HPS4: variants seen among roughly 807,000 people sequenced by gnomAD.
HPS4 encodes HPS4 biogenesis of lysosomal organelles complex 3 subunit 2.
In HPS4, 44 loss-of-function variants were observed where a neutral mutation model predicts 70.3. The observed-to-expected ratio is 0.63, with a 90% confidence interval of 0.49 to 0.80. The LOEUF (loss-of-function observed/expected upper bound fraction) is 0.80. HPS4 is among the 30% of genes least tolerant of loss of function. HPS4 has a pLI of 0.00. For missense variants in HPS4, 873 were observed against 884.4 expected (o/e 0.99, Z 0.16); for synonymous variants, 377 against 355.9 (o/e 1.06, Z -0.67).
At chr22:26,450,822 A>T (rs943972461), downstream of HPS4, among the ~76,000 whole-genome samples, 6 of 152,160 alleles carry the variant, frequency 3.9e-5, no homozygotes, top group Non-Finnish European at 8.8e-5. Flanking sequence ...CCCTTCTGCC[A>T]TGATCATAAG....
At chr22:26,465,839 G>A (rs1028471108) in intron 9 of HPS4, 1 of 550,062 alleles carries the variant, frequency 1.8e-6, no homozygotes, top group Non-Finnish European at 3.2e-6. Flanking sequence ...AGCTAAGAAA[G>A]GGATCTGCTC....
intron 3 of HPS4, among the ~76,000 whole-genome samples, chr22:26,445,256 C>T (rs2084914591): frequency 6.6e-6 from 1 of 152,064 alleles, no homozygotes; most frequent in Non-Finnish European, 1.5e-5. Context: ...ATCACTTGAA[C>T]CTGGGAGGCG....
chr22:26,483,471 A>G (rs2091515953), intron 1 of HPS4, among the ~76,000 whole-genome samples: 1 of 152,220 alleles, frequency 6.6e-6, no homozygotes, highest in African/African-American at 2.4e-5. Flanking sequence ...AATGGCTGGA[A>G]AAGGGCCAGG....
chr22:26,464,566 G>T lies in HPS4; in HGVS notation c.1064C>A (p.Ser355Tyr). ...GAGAAAGACTAGTTCCTTCCCCAGG[G>T]AGGAGCTGAGGCCAAGAACCTCACC... ...ARGEVLGLSS[S>Y]LGKELVFLQE... Residue 355 changes from serine (S) to tyrosine (Y), a missense_variant, in exon 11 of 14, where the codon TCC (serine) becomes TAC (tyrosine). Ser to Tyr is a moderately radical substitution (Grantham distance 144). Transcript: ENST00000398145. 1 of 1,614,204 alleles carries T rather than the reference G, an allele frequency of 6.2e-7. No individual in the cohort carries two copies. Among genetic ancestry groups the T allele is most frequent in the Non-Finnish European group, 8.5e-7 (1 of 1,180,034 alleles).
At position 26,453,044 on chromosome 22, in the gene HPS4, C is replaced by T. The variant is rs1474610548; in HGVS notation, c.*189G>A. Reference sequence around the variant, plus strand: ...TATCAAGTGCTCTGGGTCTGCCGACCTGAAGAACTAACCCCTGCCCCCAAA... The same window carrying T: ...TATCAAGTGCTCTGGGTCTGCCGACTTGAAGAACTAACCCCTGCCCCCAAA... On this transcript the variant is annotated 3_prime_UTR_variant, in exon 14 of 14. Transcript: ENST00000398145. 1.6e-6 allele frequency: 1 copy of T among 637,728 alleles called. No individual in the cohort carries two copies. Among genetic ancestry groups the T allele is most frequent in the Non-Finnish European group, 2.7e-6 (1 of 367,644 alleles). 39.5% of individuals were successfully genotyped at this position (637,728 alleles called of 1,614,324 possible).
chr22:26,476,881 C>T (rs1404013577), intron 4 of HPS4, 112 bp downstream of exon 4: 9 of 1,142,510 alleles, frequency 7.9e-6, no homozygotes, highest in Non-Finnish European at 1.2e-5. Context: ...AAACACAGTA[C>T]ATGGATGAGG....
intron 4 of HPS4, among the ~76,000 whole-genome samples, chr22:26,473,824 T>C (rs967410952): frequency 6.6e-6 from 1 of 152,216 alleles, no homozygotes; most frequent in Non-Finnish European, 1.5e-5. Context: ...TTACTTGATG[T>C]AGTAATTCTA....
intron 1 of HPS4, chr22:26,482,865 G>C (rs1265676456): frequency 6.6e-6 from 1 of 152,160 alleles, no homozygotes; most frequent in Non-Finnish European, 1.5e-5. Context: ...CGCTAGTCTG[G>C]ATAACGCTCT....
chr22:26,476,972 T>C, intron 4 of HPS4, 21 bp downstream of exon 4: 1 of 1,613,552 alleles, frequency 6.2e-7, no homozygotes, highest in Non-Finnish European at 8.5e-7. Context: ...ACTTCAGCAC[T>C]GATTCTGCCA....
intron 1 of HPS4, 111 bp downstream of exon 1, chr22:26,483,563 C>T (rs953235694): frequency 2.1e-5 from 4 of 192,704 alleles, no homozygotes; most frequent in Non-Finnish European, 4.2e-5. Flanking sequence ...CCCAGCTCTA[C>T]GGGACTGGGA....
chr22:26,479,860 A>G (rs2091085576), intron 2 of HPS4, among the ~76,000 whole-genome samples: 2 of 152,244 alleles, frequency 1.3e-5, no homozygotes, highest in Non-Finnish European at 2.9e-5. Flanking sequence ...GCAAACACGC[A>G]GTTTCAATGC....
Position 26,452,855 on chromosome 22 carries a change from C to T in HPS4, c.*378G>A, listed in dbSNP as rs1029797277. 3.2e-6 allele frequency: 1 copy of T among 310,614 alleles called. No homozygotes were observed. Among genetic ancestry groups the T allele is most frequent in the Non-Finnish European group, 6.2e-6 (1 of 160,812 alleles). The allele number at this position is 310,614 out of a possible 1,614,324, so 19.2% of individuals were successfully genotyped here. ...GGGGGTTGAACACACACACTCTGGG[C>T]TAGTGGACGATCAGGTTCTAGAAAA... On this transcript the variant is annotated 3_prime_UTR_variant, in exon 14 of 14. Coordinates refer to ENST00000398145, the MANE Select transcript of HPS4 (RefSeq NM_022081.6).
In HPS4 at chr22:26,453,162, G is replaced by GC. The variant is rs1269834386; in HGVS notation, c.*70dup. The GC allele has an allele frequency of 2.8e-6, 4 of 1,406,788 alleles. No individual in the cohort carries two copies. The African/African-American group carries it at 5.7e-5, about 20-fold the overall frequency. 87.1% of individuals were successfully genotyped at this position (1,406,788 alleles called of 1,614,324 possible). ...TTTTCAAGAAAAATAAAATAGAGGG[G>GC]CCTTTTCAATTATAAAAGGCAGAGC... On this transcript the variant is annotated 3_prime_UTR_variant, in exon 14 of 14. Transcript: ENST00000398145.
chr22:26,465,592 C>A, intron 9 of HPS4, 41 bp from the exon 10 acceptor site: 1 of 1,528,654 alleles, frequency 6.5e-7, no homozygotes, highest in Non-Finnish European at 9.1e-7. Flanking sequence ...TTCCCCTGAG[C>A]CAGAGAGGGC....
intron 11 of HPS4, among the ~76,000 whole-genome samples, chr22:26,463,160 A>C (rs1434227174): frequency 6.6e-6 from 1 of 152,222 alleles, no homozygotes; most frequent in African/African-American, 2.4e-5. Flanking sequence ...TATAGCAACG[A>C]ATCTCCAGCG....
At chr22:26,456,112 A>C (rs1240784693) in intron 13 of HPS4, among the ~76,000 whole-genome samples, 1 of 152,234 alleles carries the variant, frequency 6.6e-6, no homozygotes, top group Non-Finnish European at 1.5e-5. Context: ...CTGGCGCTCA[A>C]GTGTGGCGGG....
Position 26,466,344 on chromosome 22 carries a change from C to G in HPS4, c.670-82G>C, listed in dbSNP as rs1254811627. On this transcript the variant is annotated intron_variant, in intron 8 of 13. Coordinates refer to ENST00000398145, the MANE Select transcript of HPS4 (RefSeq NM_022081.6). ...AACCATCAGGAATTTGCTGTGCCAT[C>G]TGTTCATAAAACTTAGCCAGGCCCA... The G allele has an allele frequency of 2.6e-6, 4 of 1,517,870 alleles. No homozygotes were observed. In the African/African-American group the frequency reaches 5.5e-5, roughly 21 times the overall value. The allele number at this position is 1,517,870 out of a possible 1,614,324, so 94.0% of individuals were successfully genotyped here. A position where few individuals can be genotyped will look rare whatever the true frequency, so the allele number is the denominator to read the frequency against.
intron 6 of HPS4, 84 bp downstream of exon 6, chr22:26,472,218 T>C: frequency 4.5e-6 from 4 of 889,974 alleles, no homozygotes; most frequent in South Asian, 3.9e-5. Flanking sequence ...CTTTTCCAGA[T>C]ATAGTTCACT....
chr22:26,457,721 C>T lies in HPS4; in HGVS notation c.1955+138G>A, dbSNP rs573184413. The T allele has an allele frequency of 4.5e-5, 32 of 713,056 alleles. No homozygotes were observed. The Admixed American group carries it at 5.9e-4, about 13-fold the overall frequency. The allele number at this position is 713,056 out of a possible 1,614,324, so 44.2% of individuals were successfully genotyped here. A position where few individuals can be genotyped will look rare whatever the true frequency, so the allele number is the denominator to read the frequency against. On this transcript the variant is annotated intron_variant, in intron 13 of 13. Coordinates refer to ENST00000398145, the MANE Select transcript of HPS4 (RefSeq NM_022081.6). ...AGTGGATGATGGCGGCAATAGGAAC[C>T]GACAAAGGAAGGCCTTAAGGAGAGT... is the stretch of plus-strand genomic sequence containing the variant.
Sources: allele counts gnomAD v4.1 joint callset (sites outside exome capture counted in the v4.1 genomes callset), GRCh38; gene constraint gnomAD v4.1.1; transcripts MANE v1.5; gene names NCBI Gene and HGNC (gene_info 2026-07-23, HGNC 2026-07-21).